The following MICU1 variants were observed in gnomAD, a reference collection of about 807,000 sequenced individuals.
MICU1 encodes the protein calcium uptake protein 1, mitochondrial.
A neutral mutation model predicts 56.8 loss-of-function variants in MICU1; 45 were observed. That is an observed-to-expected ratio of 0.79 (90% CI 0.62 to 1.02). MICU1 has a LOEUF of 1.02. MICU1 is among the 50% of genes least tolerant of loss of function. MICU1 has a pLI of 0.00. For synonymous variants in MICU1, 186 were observed against 195.1 expected, an observed-to-expected ratio of 0.95 and a Z score of 0.39; for missense variants, 504 against 587.1, an observed-to-expected ratio of 0.86 and a Z score of 1.46.
chr10:72,618,360 A>G (rs1564515366), intron 1 of MICU1, among the ~76,000 whole-genome samples: 1 of 152,094 alleles, frequency 6.6e-6, no homozygotes, highest in Non-Finnish European at 1.5e-5. Flanking sequence ...CAGCCTCCAG[A>G]ATAGCTGACA....
chr10:72,551,935 C>T (rs1291651892), intron 3 of MICU1, among the ~76,000 whole-genome samples: 1 of 152,096 alleles, frequency 6.6e-6, no homozygotes, highest in Non-Finnish European at 1.5e-5. Flanking sequence ...TGCACCTGGC[C>T]TAAATACCAA....
At chr10:72,368,410 C>T (rs1284329352) in intron 11 of MICU1, 55 bp from the exon 12 acceptor site, 4 of 1,561,934 alleles carry the variant, frequency 2.6e-6, no homozygotes, top group Non-Finnish European at 3.5e-6. Flanking sequence ...AACAACACCA[C>T]TGATATAATT....
chr10:72,527,535 G>C (rs1426677600), intron 5 of MICU1, among the ~76,000 whole-genome samples: 1 of 151,962 alleles, frequency 6.6e-6, no homozygotes, highest in Non-Finnish European at 1.5e-5. Flanking sequence ...GCAACCTTTT[G>C]TATTTTTTGT....
intron 10 of MICU1, among the ~76,000 whole-genome samples, chr10:72,386,771 A>G (rs1171284627): frequency 1.3e-5 from 2 of 151,630 alleles, no homozygotes; most frequent in Non-Finnish European, 2.9e-5. Flanking sequence ...TGTGTTGCCT[A>G]GGTTGGTCTG....
rs1867862309 is a variant in MICU1, at chr10:72,522,823, C to T, written c.537+10923G>A. 2.0e-5 allele frequency among the ~76,000 whole-genome samples: 3 copies of T among 152,270 alleles called. No homozygotes were observed. The South Asian group carries it at 6.2e-4, about 32-fold the overall frequency. On this transcript the variant is annotated intron_variant, in intron 5 of 11. Transcript: ENST00000361114. Reference sequence around the variant, plus strand: ...TTGACCTTTGGAAGCTTAAAGGATTCATACTAGTGTCACCAAAATGAGTGA... The same window carrying T: ...TTGACCTTTGGAAGCTTAAAGGATTTATACTAGTGTCACCAAAATGAGTGA...
intron 5 of MICU1, among the ~76,000 whole-genome samples, chr10:72,523,286 C>G (rs1321607105): frequency 6.6e-6 from 1 of 152,178 alleles, no homozygotes; most frequent in Non-Finnish European, 1.5e-5. Flanking sequence ...GTGTTAGTAT[C>G]TCATCTGATC....
intron 8 of MICU1, among the ~76,000 whole-genome samples, chr10:72,427,745 T>C (rs977973768): frequency 1.8e-4 from 5 of 27,702 alleles, no homozygotes; most frequent in Non-Finnish European, 7.1e-4. Context: ...TATATATATA[T>C]ATATATATAT....
chr10:72,588,367 G>C (rs189033590), intron 1 of MICU1, among the ~76,000 whole-genome samples: 2 of 151,554 alleles, frequency 1.3e-5, no homozygotes, highest in East Asian at 3.9e-4. Flanking sequence ...CTAATAGAGT[G>C]TCTCAACTAA....
At chr10:72,546,208 A>G (rs548310823) in intron 4 of MICU1, among the ~76,000 whole-genome samples, 1 of 152,220 alleles carries the variant, frequency 6.6e-6, no homozygotes, top group Admixed American at 6.5e-5. Context: ...AGTGACATCA[A>G]TGACTAAAGT....
chr10:72,475,280 G>A lies in MICU1; in HGVS notation c.753C>T (p.Arg251=). The part of the protein sequence containing the change: ...EEFEQVQSII[R]SQTSMGMRHR... ...GGCGCATACCCATACTGGTTTGGGA[G>A]CGAATGATGCTCTGAACCTAATACA... Residue 251 remains arginine, a synonymous_variant, in exon 8 of 12, where the codon CGC becomes CGT. Coordinates refer to ENST00000361114, the MANE Select transcript of MICU1 (RefSeq NM_001195518.2). 1 of 1,605,066 alleles carries A rather than the reference G, an allele frequency of 6.2e-7. No homozygotes were observed. Among genetic ancestry groups the A allele is most frequent in the South Asian group, 1.1e-5 (1 of 89,288 alleles).
chr10:72,415,947 T>G (rs7899651), intron 9 of MICU1, among the ~76,000 whole-genome samples: 2 of 152,090 alleles, frequency 1.3e-5, no homozygotes, highest in East Asian at 3.8e-4. Context: ...TCATCTGAAA[T>G]ATGATAATTC....
intron 8 of MICU1, among the ~76,000 whole-genome samples, chr10:72,441,657 C>A (rs1415982797): frequency 8.1e-6 from 1 of 123,342 alleles, no homozygotes; most frequent in Non-Finnish European, 1.7e-5. Context: ...CACTCTGTTG[C>A]CCAGGCTGGA....
At chr10:72,543,262 T>C (rs1017159324) in intron 4 of MICU1, among the ~76,000 whole-genome samples, 4 of 152,198 alleles carry the variant, frequency 2.6e-5, no homozygotes, top group African/African-American at 7.2e-5. Flanking sequence ...AAGGAACTTA[T>C]CTTGTTTGGA....
chr10:72,400,170 GATA>G (rs1863404400), intron 10 of MICU1, among the ~76,000 whole-genome samples: 1 of 152,086 alleles, frequency 6.6e-6, no homozygotes, highest in Admixed American at 6.6e-5. Flanking sequence ...TATTAGCAAG[GATA>G]ATGAGACATG....
Position 72,367,420 on chromosome 10 carries a change from G to A in MICU1, c.*775C>T, listed in dbSNP as rs150760204. On this transcript the variant is annotated 3_prime_UTR_variant, in exon 12 of 12. Transcript: ENST00000361114. ...TTAAGACAGAGGGCAAACAGGCTCT[G>A]AGCCAGGCCTCAGCTTTAGAGGCCC... 1 of 152,366 alleles carries A rather than the reference G, an allele frequency of 6.6e-6. No individual in the cohort carries two copies. The highest frequency in any genetic ancestry group is 1.5e-5 in the Non-Finnish European group (1 of 68,048). 9.4% of individuals were successfully genotyped at this position (152,366 alleles called of 1,614,324 possible). A position where few individuals can be genotyped will look rare whatever the true frequency, so the allele number is the denominator to read the frequency against.
intron 1 of MICU1, among the ~76,000 whole-genome samples, chr10:72,570,867 T>A (rs1248938242): frequency 2.2e-5 from 3 of 138,202 alleles, no homozygotes; most frequent in Middle Eastern, 3.3e-3. Flanking sequence ...CAACTTCTGA[T>A]TTTTTTTTTT....
At chr10:72,537,558 T>G (rs891216230) in intron 4 of MICU1, among the ~76,000 whole-genome samples, 2 of 152,218 alleles carry the variant, frequency 1.3e-5, no homozygotes, top group Non-Finnish European at 2.9e-5. Context: ...TTCAAAGAAC[T>G]TTCAGTCATT....
Position 72,530,686 on chromosome 10 carries a change from A to G in MICU1, c.537+3060T>C, listed in dbSNP as rs555832370. Among the ~76,000 whole-genome samples, 11 of 152,260 alleles carry G rather than the reference A, an allele frequency of 7.2e-5. No individual in the cohort carries two copies. The South Asian group carries it at 1.9e-3, about 26-fold the overall frequency. On this transcript the variant is annotated intron_variant, in intron 5 of 11. Transcript: ENST00000361114. ...CTACAAGGGAAATTTCTAGTATTCT[A>G]AAAGTATTAGTGTCCATTAACATAA...
At chr10:72,481,938 G>C (rs1182511553) in intron 6 of MICU1, among the ~76,000 whole-genome samples, 1 of 152,150 alleles carries the variant, frequency 6.6e-6, no homozygotes, top group Non-Finnish European at 1.5e-5. Flanking sequence ...CATTAGGTCT[G>C]TTCTGGTTAC....
Sources: allele counts gnomAD v4.1 joint callset (sites outside exome capture counted in the v4.1 genomes callset), GRCh38; gene constraint gnomAD v4.1.1; transcripts MANE v1.5; gene names NCBI Gene and HGNC (gene_info 2026-07-23, HGNC 2026-07-21).